CIRSR: variants seen among roughly 807,000 people sequenced by gnomAD.
CIRSR encodes the protein corepressor of RBPJ and splicing regulator.
the CIRSR span, among the ~76,000 whole-genome samples, chr2:174,354,466 AAT>A: frequency 9.5e-5 from 9 of 94,910 alleles, no homozygotes; most frequent in Admixed American, 8.9e-4. Flanking sequence ...TAATATATAA[AAT>A]ATATATAATA....
the CIRSR span, among the ~76,000 whole-genome samples, chr2:174,382,049 A>C: frequency 1.3e-5 from 2 of 152,180 alleles, no homozygotes; most frequent in African/African-American, 4.8e-5. Flanking sequence ...TAACATGGTC[A>C]TTTTTCTTAC....
At chr2:174,388,692 AAC>A in the CIRSR span, among the ~76,000 whole-genome samples, 4 of 152,150 alleles carry the variant, frequency 2.6e-5, no homozygotes, top group African/African-American at 9.7e-5. Context: ...ATTTTACGCA[AAC>A]ACACACACGC....
At chr2:174,372,846 AG>A in the CIRSR span, among the ~76,000 whole-genome samples, 1 of 152,236 alleles carries the variant, frequency 6.6e-6, no homozygotes, top group East Asian at 1.9e-4. Flanking sequence ...CCTCCCGAAG[AG>A]TTGGGATTAC....
the CIRSR span, among the ~76,000 whole-genome samples, chr2:174,383,825 T>G: frequency 1.4e-5 from 2 of 145,960 alleles, no homozygotes; most frequent in Non-Finnish European, 3.0e-5. Flanking sequence ...GATATCACCT[T>G]GCACCTACTG....
chr2:174,380,828 CA>C, the CIRSR span: 1 of 1,577,690 alleles, frequency 6.3e-7, no homozygotes, highest in Non-Finnish European at 8.6e-7. Context: ...GATTGCATAT[CA>C]AAAATATGGA....
the CIRSR span, among the ~76,000 whole-genome samples, chr2:174,362,712 A>T: frequency 1.1e-5 from 1 of 89,174 alleles, no homozygotes; most frequent in Non-Finnish European, 2.9e-5. Flanking sequence ...AAAAAAAAAA[A>T]AAATCTTACA....
chr2:174,389,747 G>A, the CIRSR span, among the ~76,000 whole-genome samples: 1 of 152,164 alleles, frequency 6.6e-6, no homozygotes, highest in African/African-American at 2.4e-5. Flanking sequence ...TGGTTTCCTG[G>A]GCCGGGTCCA....
the CIRSR span, among the ~76,000 whole-genome samples, chr2:174,391,739 T>G: frequency 6.6e-6 from 1 of 152,148 alleles, no homozygotes; most frequent in Non-Finnish European, 1.5e-5. Flanking sequence ...AAAAGACAAT[T>G]CTATCGAAAT....
chr2:174,379,065 G>T, the CIRSR span: 2 of 1,532,862 alleles, frequency 1.3e-6, no homozygotes, highest in South Asian at 1.1e-5. Flanking sequence ...ATGTGATTTT[G>T]GTTACTAAAA....
chr2:174,352,701 T>G, the CIRSR span, among the ~76,000 whole-genome samples: 3 of 152,200 alleles, frequency 2.0e-5, no homozygotes, highest in Non-Finnish European at 4.4e-5. Flanking sequence ...TCCCTGCAGA[T>G]AGCAAACTAA....
chr2:174,390,617 T>C, the CIRSR span, among the ~76,000 whole-genome samples: 3 of 152,156 alleles, frequency 2.0e-5, no homozygotes, highest in African/African-American at 4.8e-5. Context: ...TGGAAGGGGC[T>C]GGGGTGGAAT....
the CIRSR span, among the ~76,000 whole-genome samples, chr2:174,371,208 T>A: frequency 6.6e-6 from 1 of 152,222 alleles, no homozygotes. Context: ...GATGGATGTA[T>A]AACTCTGTGA....
chr2:174,353,566 A>C, the CIRSR span, among the ~76,000 whole-genome samples: 1 of 152,036 alleles, frequency 6.6e-6, no homozygotes, highest in East Asian at 1.9e-4. Flanking sequence ...CACCTGGGTT[A>C]AAGCAATTCT....
chr2:174,363,038 A>G, the CIRSR span, among the ~76,000 whole-genome samples: 1 of 152,264 alleles, frequency 6.6e-6, no homozygotes, highest in East Asian at 1.9e-4. Context: ...GGGAAAAGTA[A>G]CCATTTCCAA....
chr2:174,353,255 C>T, the CIRSR span, among the ~76,000 whole-genome samples: 1 of 152,048 alleles, frequency 6.6e-6, no homozygotes, highest in African/African-American at 2.4e-5. Context: ...ACAAAAACAC[C>T]TGTCTTATAT....
At chr2:174,362,659 C>A in the CIRSR span, among the ~76,000 whole-genome samples, 1 of 137,910 alleles carries the variant, frequency 7.3e-6, no homozygotes, top group Non-Finnish European at 1.5e-5. Flanking sequence ...TGCACTCCAG[C>A]CTGGGTGACA....
the CIRSR span, among the ~76,000 whole-genome samples, chr2:174,385,756 C>T: frequency 6.6e-6 from 1 of 151,710 alleles, no homozygotes; most frequent in African/African-American, 2.4e-5. Context: ...TATTATAATC[C>T]AAAGAATTAA....
chr2:174,369,886 T>C, the CIRSR span: 1 of 1,223,348 alleles, frequency 8.2e-7, no homozygotes, highest in Admixed American at 2.4e-5. Context: ...ATAATACAAG[T>C]TTGAATTATT....
chr2:174,375,180 C>T, the CIRSR span, among the ~76,000 whole-genome samples: 1 of 152,168 alleles, frequency 6.6e-6, no homozygotes, highest in Non-Finnish European at 1.5e-5. Context: ...TCTGCCTTAT[C>T]ACTTTTTTAA....
Sources: gnomAD v4.1 joint callset for allele counts (sites outside exome capture counted in the v4.1 genomes callset) on GRCh38, gnomAD v4.1.1 for gene constraint, MANE v1.5 for transcripts, NCBI Gene and HGNC (gene_info 2026-07-23, HGNC 2026-07-21) for gene names.